Variants in ZZEF1 observed in about 807,000 individuals in gnomAD.
ZZEF1 encodes the protein zinc finger ZZ-type and EF-hand domain-containing protein 1.
Under a neutral mutation model 342.8 loss-of-function variants are expected in ZZEF1, and 157 were observed. The ratio of observed to expected loss-of-function variants is 0.46; its 90% CI spans 0.40 to 0.52. ZZEF1 has a LOEUF of 0.52. ZZEF1 is among the 20% of genes least tolerant of loss of function. The pLI, the probability that ZZEF1 is intolerant of heterozygous loss-of-function variation, is 0.00. For synonymous variants in ZZEF1, 1,505 were observed against 1,429.1 expected (o/e 1.05, Z -1.20); for missense variants, 3,480 against 3,725.6 (o/e 0.93, Z 1.72).
chr17:4,096,990 A>G (rs145495604), intron 9 of ZZEF1, among the ~76,000 whole-genome samples: 1,877 of 152,184 alleles, frequency 0.012, 41 homozygotes, highest in African/African-American at 0.043. Flanking sequence ...GGCCGGGCAC[A>G]GTGGCTCACG....
At chr17:4,066,654 G>A (rs1000199391) in intron 27 of ZZEF1, 114 bp from the exon 28 acceptor site, 9 of 877,618 alleles carry the variant, frequency 1.0e-5, no homozygotes, top group Non-Finnish European at 1.7e-5. Flanking sequence ...CTTCACAGTT[G>A]TATCATTTAG....
chr17:4,076,925 T>A lies in ZZEF1; in HGVS notation c.3054A>T (p.Gly1018=). The change falls in exon 20 of 55, where the codon GGA becomes GGT. Residue 1018 remains glycine, a synonymous_variant. Coordinates refer to ENST00000381638, the MANE Select transcript of ZZEF1 (RefSeq NM_015113.4). ...TACATAATCTTTCTACTATGGTTTT[T>A]CCACTGTACTGTGAGAAAAGGGATT... ...ILESLFSQYS[G]KTIVERLCNS... is the part of the protein sequence containing the mutation. 1 of 1,614,226 alleles carries A rather than the reference T, an allele frequency of 6.2e-7. No individual in the cohort carries two copies. Among genetic ancestry groups the A allele is most frequent in the Non-Finnish European group, 8.5e-7 (1 of 1,180,026 alleles).
At position 4,079,772 on chromosome 17, in the gene ZZEF1, T is replaced by G. The variant is rs555239447; in HGVS notation, c.2829+1604A>C. ...GGGGGAGACACCTGCTGATGGCCTATCATGCCAGGCAGCTGGGAATGAATG... is the reference window on the plus strand; with the variant it reads ...GGGGGAGACACCTGCTGATGGCCTAGCATGCCAGGCAGCTGGGAATGAATG... On this transcript the variant is annotated intron_variant, in intron 18 of 54. Coordinates refer to ENST00000381638, the MANE Select transcript of ZZEF1 (RefSeq NM_015113.4). Among the ~76,000 whole-genome samples the G allele has an allele frequency of 2.6e-5, 4 of 152,290 alleles. No individual in the cohort carries two copies. The South Asian group carries it at 6.2e-4, about 24-fold the overall frequency.
intron 35 of ZZEF1, 28 bp from the exon 36 acceptor site, chr17:4,051,071 TA>T (rs2057035688): frequency 6.2e-7 from 1 of 1,613,914 alleles, no homozygotes; most frequent in African/African-American, 1.3e-5. Context: ...ATTTAAAGCT[TA>T]CAACCCTCCA....
intron 45 of ZZEF1, among the ~76,000 whole-genome samples, chr17:4,020,477 G>A (rs1369277464): frequency 1.3e-5 from 2 of 152,094 alleles, no homozygotes; most frequent in Admixed American, 6.5e-5. Context: ...TGGGTAGCCA[G>A]GACTACAGGC....
intron 1 of ZZEF1, among the ~76,000 whole-genome samples, chr17:4,128,693 T>C (rs146456390): frequency 0.15 from 23,234 of 150,934 alleles, 1,961 homozygotes; most frequent in African/African-American, 0.22. Context: ...AACTGCTGGC[T>C]TCAAGTGATC....
chr17:4,101,692 T>C (rs1322735415), intron 9 of ZZEF1, among the ~76,000 whole-genome samples: 1 of 152,140 alleles, frequency 6.6e-6, no homozygotes, highest in Non-Finnish European at 1.5e-5. Flanking sequence ...AGTGGCGGGA[T>C]CTCAGTTCAC....
At chr17:4,126,246 G>T (rs1271526294) in intron 1 of ZZEF1, among the ~76,000 whole-genome samples, 2 of 143,140 alleles carry the variant, frequency 1.4e-5, no homozygotes, top group Admixed American at 7.0e-5. Context: ...AAAAAAAAAA[G>T]AGTTAGGAGG....
Position 4,024,872 on chromosome 17 carries a change from T to G in ZZEF1, c.7092+47A>C, listed in dbSNP as rs371764459. The stretch of plus-strand genomic sequence containing the variant: ...CTCCTAGTTAATCCCCATGCAGATG[T>G]CAAATTATAGCCAGATCCACTGCCA... On this transcript the variant is annotated intron_variant, in intron 43 of 54. Coordinates refer to ENST00000381638, the MANE Select transcript of ZZEF1 (RefSeq NM_015113.4). 249 of 1,571,166 alleles carry G rather than the reference T, an allele frequency of 1.6e-4. 1 individual carries two copies. Among genetic ancestry groups the G allele is most frequent in the Non-Finnish European group, 1.9e-4 (220 of 1,141,084 alleles).
At position 4,032,834 on chromosome 17, in the gene ZZEF1, G is replaced by A; in HGVS notation, c.6753C>T (p.Phe2251=). 5 of 1,613,982 alleles carry A rather than the reference G, an allele frequency of 3.1e-6. No homozygotes were observed. ...NIFTLLVLVG[F]PQVLCVGTRC... is the part of the protein sequence containing the mutation. ...GGCCTTCAGAGTGTGGTACCTGGGG[G>A]AAGCCAACCAGCACGAGCAGGGTGA... The change falls in exon 41 of 55, where the codon TTC becomes TTT. Residue 2251 remains phenylalanine, a synonymous_variant. Coordinates refer to ENST00000381638, the MANE Select transcript of ZZEF1 (RefSeq NM_015113.4).
chr17:4,122,078 A>G (rs1045798212), intron 2 of ZZEF1, among the ~76,000 whole-genome samples: 1 of 149,878 alleles, frequency 6.7e-6, no homozygotes, highest in South Asian at 2.1e-4. Context: ...TACGTCACTC[A>G]GCAGTGAGTA....
chr17:4,009,552 G>C (rs762115302), intron 53 of ZZEF1, 52 bp downstream of exon 53: 1 of 1,608,088 alleles, frequency 6.2e-7, no homozygotes, highest in South Asian at 1.1e-5. Flanking sequence ...GTAGCAGAGG[G>C]AGCAAACGCA....
At chr17:4,084,069 T>G (rs1267464550) in intron 16 of ZZEF1, among the ~76,000 whole-genome samples, 1 of 152,226 alleles carries the variant, frequency 6.6e-6, no homozygotes, top group Non-Finnish European at 1.5e-5. Context: ...GGCCCTCCAA[T>G]GCAACATCAA....
chr17:4,105,804 G>A lies in ZZEF1; in HGVS notation c.1283C>T (p.Ala428Val), dbSNP rs201509810. The change falls in exon 7 of 55, where the codon GCG (alanine) becomes GTG (valine). Residue 428 changes from alanine (A) to valine (V), a missense_variant. Physicochemically the swap from Ala to Val is moderately conservative, Grantham distance 64 (BLOSUM62 0). Coordinates refer to ENST00000381638, the MANE Select transcript of ZZEF1 (RefSeq NM_015113.4). ...AGAGAGTGGAGGCATGTGCCGCAGC[G>A]CCTTCCTAGAAGAGGAAAATGTAAA... is the stretch of plus-strand genomic sequence containing the variant. ...VQTVLHNTQK[A>V]LRHMPPLSLS... 31 of 1,602,454 alleles carry A rather than the reference G, an allele frequency of 1.9e-5. No homozygotes were observed. The highest frequency in any genetic ancestry group is 1.3e-4 in the East Asian group (6 of 44,710).
At chr17:4,039,668 G>C (rs1452979497) in intron 39 of ZZEF1, among the ~76,000 whole-genome samples, 1 of 124,890 alleles carries the variant, frequency 8.0e-6, no homozygotes, top group Admixed American at 9.2e-5. Context: ...TTTTGAGACA[G>C]AGTCTCACTC....
At chr17:4,059,633 C>T (rs1439720628) in intron 30 of ZZEF1, among the ~76,000 whole-genome samples, 3 of 152,180 alleles carry the variant, frequency 2.0e-5, no homozygotes, top group Non-Finnish European at 4.4e-5. Flanking sequence ...CAATCACGCT[C>T]ACCCCTCTGC....
chr17:4,123,722 A>C (rs1345717784), intron 2 of ZZEF1, among the ~76,000 whole-genome samples, 185 bp downstream of exon 2: 1 of 152,172 alleles, frequency 6.6e-6, no homozygotes, highest in African/African-American at 2.4e-5. Flanking sequence ...AAACGGTAGA[A>C]CTGCTTAGCC....
At chr17:4,020,427 T>C (rs1435030030) in intron 45 of ZZEF1, among the ~76,000 whole-genome samples, 2 of 152,222 alleles carry the variant, frequency 1.3e-5, no homozygotes, top group Non-Finnish European at 2.9e-5. Context: ...TCTGTAAACT[T>C]GAACTCCTGG....
intron 34 of ZZEF1, among the ~76,000 whole-genome samples, 188 bp from the exon 35 acceptor site, chr17:4,052,324 T>C (rs1194606979): frequency 6.6e-6 from 1 of 152,178 alleles, no homozygotes; most frequent in Non-Finnish European, 1.5e-5. Flanking sequence ...ATGAGACTCT[T>C]GGCACAGAAT....
Sources: gnomAD v4.1 joint callset for allele counts (sites outside exome capture counted in the v4.1 genomes callset) on GRCh38, gnomAD v4.1.1 for gene constraint, MANE v1.5 for transcripts, NCBI Gene and HGNC (gene_info 2026-07-23, HGNC 2026-07-21) for gene names.